PRH1: variants seen among roughly 807,000 people sequenced by gnomAD.
The protein encoded by PRH1 is salivary acidic proline-rich phosphoprotein 1/2.
Under a neutral mutation model 7.9 loss-of-function variants are expected in PRH1, and 7 were observed. That is an observed-to-expected ratio of 0.89 (90% CI 0.50 to 1.67). The LOEUF (loss-of-function observed/expected upper bound fraction) is 1.67. Ranked by LOEUF, PRH1 falls within the 40% of genes most tolerant of loss-of-function variation. The probability of loss-of-function intolerance (pLI) is 0.00; values close to 1 mark genes in which losing one functional copy is unlikely to be tolerated. For synonymous variants in PRH1, 45 were observed against 80.8 expected, an observed-to-expected ratio of 0.56 and a Z score of 2.38; for missense variants, 109 against 223.6, an observed-to-expected ratio of 0.49 and a Z score of 3.27.
chr12:10,950,721 G>C (rs1950557619), intron 2 of PRH1, among the ~76,000 whole-genome samples: 1 of 151,868 alleles, frequency 6.6e-6, no homozygotes, highest in Admixed American at 6.6e-5. Flanking sequence ...CATATTGTAA[G>C]GGAAAATTAG....
chr12:11,038,054 G>T (rs1942518189), intron 1 of PRH1, among the ~76,000 whole-genome samples: 1 of 152,176 alleles, frequency 6.6e-6, no homozygotes, highest in Non-Finnish European at 1.5e-5. Context: ...AATAAAAAAA[G>T]AAAAGTTTTA....
At chr12:11,144,417 G>A (rs942730463) in intron 1 of PRH1, among the ~76,000 whole-genome samples, 1 of 152,138 alleles carries the variant, frequency 6.6e-6, no homozygotes, top group Non-Finnish European at 1.5e-5. Flanking sequence ...GCAAACTGAA[G>A]GGCTGGTCTC....
chr12:10,970,263 T>C (rs11054111), intron 2 of PRH1, among the ~76,000 whole-genome samples: 36,942 of 152,080 alleles, frequency 0.24, 4,514 homozygotes, highest in Non-Finnish European at 0.25. Flanking sequence ...TTTTCCAACA[T>C]ATATGTGTGC....
chr12:11,051,917 G>A (rs1261107997), upstream of PRH1, among the ~76,000 whole-genome samples: 1 of 115,666 alleles, frequency 8.6e-6, no homozygotes. Context: ...CTTCTTTTCT[G>A]AGCTGTTAGA....
intron 1 of PRH1, among the ~76,000 whole-genome samples, chr12:11,106,514 A>G (rs1592025674): frequency 6.6e-6 from 1 of 152,070 alleles, no homozygotes; most frequent in East Asian, 1.9e-4. Context: ...TTTAGTTAAA[A>G]TACTCAGCAA....
chr12:10,935,153 G>A (rs1400924313), intron 2 of PRH1, among the ~76,000 whole-genome samples: 1 of 152,058 alleles, frequency 6.6e-6, no homozygotes, highest in Non-Finnish European at 1.5e-5. Flanking sequence ...TCAATTAATT[G>A]TTTGCAAGTT....
intron 1 of PRH1, among the ~76,000 whole-genome samples, chr12:11,022,846 T>C (rs530016847): frequency 1.3e-4 from 18 of 136,316 alleles, no homozygotes; most frequent in African/African-American, 4.1e-4. Flanking sequence ...TGTACTTTTT[T>C]ATACTGAGGT....
chr12:11,128,002 C>G (rs1055698228), intron 1 of PRH1, among the ~76,000 whole-genome samples: 1 of 149,756 alleles, frequency 6.7e-6, no homozygotes, highest in African/African-American at 2.5e-5. Flanking sequence ...CCCAGCTACT[C>G]GGGGAGGCTG....
intron 1 of PRH1, among the ~76,000 whole-genome samples, chr12:11,011,104 G>A (rs1941051075): frequency 6.6e-6 from 1 of 152,022 alleles, no homozygotes; most frequent in African/African-American, 2.4e-5. Flanking sequence ...TAAGTTTAAC[G>A]TAGGTGTCCA....
chr12:10,960,545 C>A (rs542975302), intron 2 of PRH1, among the ~76,000 whole-genome samples: 1 of 152,180 alleles, frequency 6.6e-6, no homozygotes, highest in South Asian at 2.1e-4. Flanking sequence ...GAGAGAAAAT[C>A]AAAACAATTT....
chr12:10,930,154 G>C, intron 2 of PRH1: 1 of 1,233,254 alleles, frequency 8.1e-7, no homozygotes, highest in Non-Finnish European at 1.2e-6. Context: ...TGGCTGATGA[G>C]ATCTCAAAGG....
chr12:10,931,568 C>T (rs1029842939), intron 2 of PRH1, among the ~76,000 whole-genome samples: 2 of 152,140 alleles, frequency 1.3e-5, no homozygotes, highest in Non-Finnish European at 2.9e-5. Flanking sequence ...CTAACAAAAA[C>T]TAATCTCACT....
At chr12:10,924,034 C>T (rs1217990747) in intron 2 of PRH1, among the ~76,000 whole-genome samples, 1 of 110,164 alleles carries the variant, frequency 9.1e-6, no homozygotes, top group Non-Finnish European at 1.7e-5. Context: ...CTCGCTCTGT[C>T]GCCCAGGCTG....
chr12:10,960,611 C>T (rs1938192760), intron 2 of PRH1, among the ~76,000 whole-genome samples: 2 of 152,172 alleles, frequency 1.3e-5, no homozygotes, highest in Admixed American at 1.3e-4. Flanking sequence ...AGAGCTGTGT[C>T]ACTTCTGTTT....
At chr12:11,153,015 G>A (rs117619044) in intron 1 of PRH1, among the ~76,000 whole-genome samples, 2,324 of 152,150 alleles carry the variant, frequency 0.015, 19 homozygotes, top group South Asian at 0.031. Flanking sequence ...TGTTTCCAAC[G>A]GTAAAGGAGA....
chr12:10,883,057 T>A lies in PRH1; in HGVS notation c.100+4A>T. On this transcript the variant is annotated splice_donor_region_variant and intron_variant, in intron 2 of 3. Transcript: ENST00000543626. ...GAGTTTACTGAGAATTTATTGGGAT[T>A]TACCTGATATTACGAGGGGAACATC... 6.2e-7 allele frequency: 1 copy of A among 1,612,280 alleles called. No individual in the cohort carries two copies.
intron 1 of PRH1, among the ~76,000 whole-genome samples, chr12:11,167,669 A>G (rs1270290834): frequency 3.3e-5 from 5 of 152,124 alleles, no homozygotes; most frequent in Non-Finnish European, 7.4e-5. Flanking sequence ...GATGGCCCAG[A>G]TCTCCTGACC....
intron 1 of PRH1, among the ~76,000 whole-genome samples, chr12:11,055,795 T>A (rs533990610): frequency 3.9e-4 from 60 of 152,236 alleles, no homozygotes; most frequent in Non-Finnish European, 5.1e-4. Flanking sequence ...CTACATCAGA[T>A]GCCTACACTG....
chr12:10,897,192 T>C (rs1949659976), intron 2 of PRH1, among the ~76,000 whole-genome samples: 1 of 152,210 alleles, frequency 6.6e-6, no homozygotes, highest in Admixed American at 6.5e-5. Context: ...ACGTGGCTTT[T>C]TAAATTCACA....
Sources: gnomAD v4.1 joint callset for allele counts (sites outside exome capture counted in the v4.1 genomes callset) on GRCh38, gnomAD v4.1.1 for gene constraint, MANE v1.5 for transcripts, NCBI Gene and HGNC (gene_info 2026-07-23, HGNC 2026-07-21) for gene names.